The following DGKI variants were observed in gnomAD, a reference collection of about 807,000 sequenced individuals.
DGKI encodes diacylglycerol kinase iota, also known as DAG kinase iota.
DGKI carries 55 observed loss-of-function variants against 147.5 expected under a neutral mutation model. The observed-to-expected ratio is 0.37, with a 90% confidence interval of 0.30 to 0.47. DGKI has a LOEUF of 0.47. Ranked by LOEUF, DGKI falls within the 20% of genes least tolerant of loss-of-function variation. The probability of loss-of-function intolerance (pLI) is 1.00; values close to 1 mark genes in which losing one functional copy is unlikely to be tolerated. For synonymous variants in DGKI, 469 were observed against 477.1 expected, an observed-to-expected ratio of 0.98 and a Z score of 0.22; for missense variants, 1,007 against 1,323.8, an observed-to-expected ratio of 0.76 and a Z score of 3.71.
chr7:137,550,861 G>A (rs866313513), intron 20 of DGKI, among the ~76,000 whole-genome samples: 5 of 152,292 alleles, frequency 3.3e-5, no homozygotes, highest in Middle Eastern at 3.4e-3. Flanking sequence ...TTCAGAGATG[G>A]TTTTTCACTT....
intron 27 of DGKI, 142 bp from the exon 28 acceptor site, chr7:137,444,244 C>A: frequency 1.8e-6 from 1 of 558,700 alleles, no homozygotes; most frequent in South Asian, 2.7e-5. Flanking sequence ...GTGTTGATTG[C>A]ATGGTATATT....
chr7:137,471,489 G>A (rs1814884984), intron 23 of DGKI, among the ~76,000 whole-genome samples: 5 of 152,102 alleles, frequency 3.3e-5, no homozygotes, highest in Admixed American at 3.3e-4. Context: ...ATAAAGCCTG[G>A]GATTAAATCA....
chr7:137,511,586 G>A (rs1816581675), intron 21 of DGKI, among the ~76,000 whole-genome samples: 1 of 152,206 alleles, frequency 6.6e-6, no homozygotes, highest in African/African-American at 2.4e-5. Flanking sequence ...CCAGCACTTA[G>A]AACAGTCTTT....
intron 30 of DGKI, among the ~76,000 whole-genome samples, chr7:137,405,869 G>A (rs1377868607): frequency 6.6e-6 from 1 of 152,104 alleles, no homozygotes; most frequent in African/African-American, 2.4e-5. Context: ...CTTCAACAAA[G>A]CCTCATCAAA....
chr7:137,639,575 C>A (rs1821547646), intron 6 of DGKI, among the ~76,000 whole-genome samples: 1 of 152,148 alleles, frequency 6.6e-6, no homozygotes. Context: ...GAGGTTTGGG[C>A]CTCTGCTCCC....
intron 30 of DGKI, among the ~76,000 whole-genome samples, chr7:137,398,193 C>T (rs979022181): frequency 3.3e-5 from 5 of 152,184 alleles, no homozygotes; most frequent in Admixed American, 6.5e-5. Context: ...TATGTACTGA[C>T]CCTATTTCCT....
At chr7:137,417,079 G>T (rs562714613) in intron 28 of DGKI, among the ~76,000 whole-genome samples, 2 of 152,146 alleles carry the variant, frequency 1.3e-5, no homozygotes, top group African/African-American at 4.8e-5. Context: ...CCTTCTGAAG[G>T]ATTGAGCTTA....
At chr7:137,483,690 T>C (rs1322073107) in intron 23 of DGKI, among the ~76,000 whole-genome samples, 4 of 152,128 alleles carry the variant, frequency 2.6e-5, no homozygotes, top group African/African-American at 7.2e-5. Context: ...AGTGACAACA[T>C]GTGGTGTTTG....
At chr7:137,395,866 C>T in intron 31 of DGKI, 169 bp from the exon 32 acceptor site, 3 of 578,740 alleles carry the variant, frequency 5.2e-6, no homozygotes, top group Non-Finnish European at 9.2e-6. Context: ...TCTAAAAATT[C>T]CTTGAGCTAG....
At chr7:137,444,953 G>A (rs761793840) in intron 27 of DGKI, among the ~76,000 whole-genome samples, 1 of 152,082 alleles carries the variant, frequency 6.6e-6, no homozygotes, top group Non-Finnish European at 1.5e-5. Flanking sequence ...AATTTCGAAG[G>A]GAAAGACAAG....
intron 30 of DGKI, among the ~76,000 whole-genome samples, chr7:137,398,853 G>T (rs1811646817): frequency 6.6e-6 from 1 of 151,846 alleles, no homozygotes; most frequent in Non-Finnish European, 1.5e-5. Context: ...TGCAGAAGTA[G>T]TTACCAAGAA....
chr7:137,616,384 A>G (rs143713446), intron 8 of DGKI, among the ~76,000 whole-genome samples: 4 of 152,338 alleles, frequency 2.6e-5, no homozygotes, highest in Non-Finnish European at 4.4e-5. Context: ...GTCCTGAATC[A>G]TAGACGGTAA....
In DGKI at chr7:137,463,575, G is replaced by A; in HGVS notation, c.2649C>T (p.Arg883=). 3 of 1,614,152 alleles carry A rather than the reference G, an allele frequency of 1.9e-6. No individual in the cohort carries two copies. Among genetic ancestry groups the A allele is most frequent in the Non-Finnish European group, 2.5e-6 (3 of 1,180,008 alleles). Residue 883 remains arginine (R), a synonymous_variant, in exon 27 of 33, where the codon CGC becomes CGT. Transcript: ENST00000614521. The part of the protein sequence containing the change: ...SDWWNPALRK[R]MLSDSGLGMI... ...TCCCCAGCCCACTGTCACTCAGCATGCGTTTCCGCAGGGCAGGATTCCACC... is the reference window on the plus strand; with the variant it reads ...TCCCCAGCCCACTGTCACTCAGCATACGTTTCCGCAGGGCAGGATTCCACC...
intron 28 of DGKI, among the ~76,000 whole-genome samples, chr7:137,418,324 C>A (rs956045310): frequency 2.0e-5 from 3 of 152,152 alleles, no homozygotes; most frequent in South Asian, 2.1e-4. Flanking sequence ...AGAACCTAAC[C>A]ATTAAGGTAC....
chr7:137,636,073 T>A (rs1396992661), intron 6 of DGKI, among the ~76,000 whole-genome samples: 2 of 152,356 alleles, frequency 1.3e-5, no homozygotes, highest in East Asian at 3.9e-4. Context: ...GGCACAGATC[T>A]AGCTGTTACC....
intron 5 of DGKI, among the ~76,000 whole-genome samples, chr7:137,650,929 A>G (rs548617814): frequency 7.9e-5 from 12 of 152,328 alleles, no homozygotes; most frequent in Admixed American, 2.6e-4. Flanking sequence ...AAGGTGGGGA[A>G]TATCTTGGTA....
chr7:137,409,415 T>C (rs1000820562), intron 29 of DGKI, among the ~76,000 whole-genome samples: 1 of 151,938 alleles, frequency 6.6e-6, no homozygotes, highest in African/African-American at 2.4e-5. Context: ...CACACAGTAA[T>C]GGACAGGAAC....
intron 12 of DGKI, among the ~76,000 whole-genome samples, chr7:137,592,270 T>C (rs1819643394): frequency 6.6e-6 from 1 of 152,236 alleles, no homozygotes. Context: ...TTTAATTAAC[T>C]GCAACTTATT....
intron 27 of DGKI, among the ~76,000 whole-genome samples, chr7:137,452,563 T>C (rs903933649): frequency 1.3e-5 from 2 of 152,210 alleles, no homozygotes; most frequent in African/African-American, 2.4e-5. Flanking sequence ...ACTCACTATA[T>C]GCGTATTTTA....
Sources: gnomAD v4.1 joint callset for allele counts (sites outside exome capture counted in the v4.1 genomes callset) on GRCh38, gnomAD v4.1.1 for gene constraint, MANE v1.5 for transcripts, NCBI Gene and HGNC (gene_info 2026-07-23, HGNC 2026-07-21) for gene names.